The following PTBP3 variants were observed in gnomAD, a reference collection of about 807,000 sequenced individuals.
The protein encoded by PTBP3 is polypyrimidine tract-binding protein 3.
A neutral mutation model predicts 58.7 loss-of-function variants in PTBP3; 20 were observed. The observed-to-expected ratio is 0.34, with a 90% CI of 0.24 to 0.50. The LOEUF (loss-of-function observed/expected upper bound fraction) is 0.50, where lower values mean the gene tolerates loss of function less well. Ranked by LOEUF, PTBP3 falls within the 20% of genes least tolerant of loss-of-function variation. The pLI is 0.98. For synonymous variants in PTBP3, 185 were observed against 219.8 expected, an observed-to-expected ratio of 0.84 and a Z score of 1.40; for missense variants, 509 against 637.2, an observed-to-expected ratio of 0.80 and a Z score of 2.17.
intron 2 of PTBP3, 31 bp from the exon 3 acceptor site, chr9:112,276,044 C>G (rs991105728): frequency 6.4e-7 from 1 of 1,571,544 alleles, no homozygotes. Context: ...TTTTAAATTA[C>G]TGCAACTAAT....
chr9:112,256,529 G>C (rs1405815482), intron 5 of PTBP3, among the ~76,000 whole-genome samples: 2 of 151,788 alleles, frequency 1.3e-5, no homozygotes, highest in South Asian at 2.1e-4. Flanking sequence ...ATAGCAATAT[G>C]CAATTTTTTT....
chr9:112,237,429 C>A (rs546719700), intron 7 of PTBP3, among the ~76,000 whole-genome samples: 7 of 152,080 alleles, frequency 4.6e-5, no homozygotes, highest in African/African-American at 1.7e-4. Context: ...CAAGGCAATA[C>A]GAATTAATAC....
rs1554807738 is a variant in PTBP3 at position 112,329,845 on chromosome 9, C to CCT, written c.-52+3624_-52+3625insAG. On this transcript the variant is annotated intron_variant, in intron 1 of 13. Coordinates refer to ENST00000374257, the MANE Select transcript of PTBP3 (RefSeq NM_001163788.4). ...AAGATAAATCAGAGCCTAGGCTACA[C>CCT]TTTTTTTTTTTTTTTTCTGAGACAG... is the stretch of plus-strand genomic sequence containing the variant. Among the ~76,000 whole-genome samples, 9 of 131,970 alleles carry CCT rather than the reference C, an allele frequency of 6.8e-5. No homozygotes were observed. In the East Asian group the frequency reaches 1.5e-3, roughly 23 times the overall value. The allele number at this position is 131,970 out of a possible 152,430, so 86.6% of individuals were successfully genotyped here. A position where few individuals can be genotyped will look rare whatever the true frequency, so the allele number is the denominator to read the frequency against.
Position 112,239,793 on chromosome 9 carries a change from G to C in PTBP3, c.803-4896C>G, listed in dbSNP as rs930076179. On this transcript the variant is annotated intron_variant, in intron 7 of 13. Transcript: ENST00000374257. ...AAGAGAGGGAGGGGAGGGGAGAGGA[G>C]GAAGAAGAAAAGGAAGGAAGGAAGG... Among the ~76,000 whole-genome samples the C allele has an allele frequency of 5.1e-4, 70 of 137,742 alleles. 1 individual carries two copies. The highest frequency in any genetic ancestry group is 1.8e-3 in the African/African-American group (69 of 37,300). 90.4% of individuals were successfully genotyped at this position (137,742 alleles called of 152,430 possible). A position where few individuals can be genotyped will look rare whatever the true frequency, so the allele number is the denominator to read the frequency against.
chr9:112,379,335 T>C, the PTBP3 span, among the ~76,000 whole-genome samples: 2 of 152,238 alleles, frequency 1.3e-5, no homozygotes, highest in African/African-American at 4.8e-5. Context: ...TCAAATATAC[T>C]ACAGTCTTTA....
chr9:112,304,558 T>C (rs1267377758), intron 1 of PTBP3, among the ~76,000 whole-genome samples: 1 of 152,224 alleles, frequency 6.6e-6, no homozygotes, highest in Non-Finnish European at 1.5e-5. Flanking sequence ...GTTGTTAGTC[T>C]GTCATTATTC....
At chr9:112,311,285 A>G (rs1057237526) in intron 1 of PTBP3, among the ~76,000 whole-genome samples, 3 of 152,084 alleles carry the variant, frequency 2.0e-5, no homozygotes, top group African/African-American at 4.8e-5. Flanking sequence ...AAATATTTGG[A>G]AAAAAACTGC....
chr9:112,282,255 T>C lies in PTBP3; in HGVS notation c.35-6242A>G, dbSNP rs149989868. 2.6e-5 allele frequency among the ~76,000 whole-genome samples: 4 copies of C among 152,332 alleles called. No individual in the cohort carries two copies. In the East Asian group the frequency reaches 7.7e-4, roughly 29 times the overall value. On this transcript the variant is annotated intron_variant, in intron 2 of 13. Coordinates refer to ENST00000374257, the MANE Select transcript of PTBP3 (RefSeq NM_001163788.4). ...GTAGAATCATTCTTGATACTGGCAA[T>C]TTGTGTCTTTCCTTTTTTTTGAGTC...
At chr9:112,228,605 T>C (rs920699750) in intron 10 of PTBP3, 133 bp from the exon 11 acceptor site, 22 of 559,276 alleles carry the variant, frequency 3.9e-5, no homozygotes, top group Non-Finnish European at 3.4e-5. Context: ...CAAATTTTTA[T>C]CTCTTCCAAA....
At chr9:112,302,277 A>C (rs879842687) in intron 1 of PTBP3, among the ~76,000 whole-genome samples, 3 of 152,232 alleles carry the variant, frequency 2.0e-5, no homozygotes, top group Admixed American at 2.0e-4. Context: ...CAAATAAGAA[A>C]TCTACCAAAA....
At chr9:112,265,121 C>T (rs867313979) in intron 4 of PTBP3, among the ~76,000 whole-genome samples, 1 of 151,910 alleles carries the variant, frequency 6.6e-6, no homozygotes, top group South Asian at 2.1e-4. Flanking sequence ...AAAATAATTC[C>T]AAAATTTATC....
chr9:112,291,171 A>C (rs1828404036), intron 2 of PTBP3, among the ~76,000 whole-genome samples: 1 of 152,122 alleles, frequency 6.6e-6, no homozygotes, highest in Non-Finnish European at 1.5e-5. Context: ...GCAGTGAGCC[A>C]AGATTGTGCC....
chr9:112,245,079 C>A (rs1296196024), intron 7 of PTBP3, among the ~76,000 whole-genome samples: 4 of 152,124 alleles, frequency 2.6e-5, no homozygotes, highest in East Asian at 1.9e-4. Flanking sequence ...GAGGCCGAGG[C>A]GGGCAGATCA....
chr9:112,375,485 T>C, the PTBP3 span, among the ~76,000 whole-genome samples: 4 of 152,180 alleles, frequency 2.6e-5, no homozygotes, highest in Non-Finnish European at 4.4e-5. Flanking sequence ...AGATGATGCC[T>C]GCGTATCATG....
intron 1 of PTBP3, among the ~76,000 whole-genome samples, chr9:112,321,922 C>T (rs1233372343): frequency 1.3e-5 from 2 of 151,870 alleles, no homozygotes; most frequent in East Asian, 3.9e-4. Context: ...GATCACAAGG[C>T]CAGGAGATCA....
the PTBP3 span, among the ~76,000 whole-genome samples, chr9:112,339,989 G>C: frequency 2.6e-5 from 4 of 151,706 alleles, no homozygotes; most frequent in Non-Finnish European, 5.9e-5. Flanking sequence ...TCTTGAGACA[G>C]GGTATCGCTC....
chr9:112,328,467 G>T (rs1830241092), intron 1 of PTBP3, among the ~76,000 whole-genome samples: 1 of 152,180 alleles, frequency 6.6e-6, no homozygotes, highest in Admixed American at 6.5e-5. Flanking sequence ...CTAAAAGCAG[G>T]TAGTCAGAAA....
chr9:112,376,657 T>C, the PTBP3 span, among the ~76,000 whole-genome samples: 3 of 152,050 alleles, frequency 2.0e-5, no homozygotes, highest in Non-Finnish European at 2.9e-5. Flanking sequence ...TGGAGTCTGA[T>C]GTTGGAGGGC....
At chr9:112,351,268 T>C in the PTBP3 span, among the ~76,000 whole-genome samples, 5 of 152,244 alleles carry the variant, frequency 3.3e-5, no homozygotes, top group Non-Finnish European at 5.9e-5. Context: ...TTCACAGTTT[T>C]AAGGCGTACT....
Sources: gnomAD v4.1 joint callset for allele counts (sites outside exome capture counted in the v4.1 genomes callset) on GRCh38, gnomAD v4.1.1 for gene constraint, MANE v1.5 for transcripts, NCBI Gene and HGNC (gene_info 2026-07-23, HGNC 2026-07-21) for gene names.